The following ANKS1B variants were observed in gnomAD, a reference collection of about 807,000 sequenced individuals.
ANKS1B encodes ankyrin repeat and sterile alpha motif domain-containing protein 1B.
In ANKS1B, 36 loss-of-function variants were observed where a neutral mutation model predicts 148.3. The ratio of observed to expected loss-of-function variants is 0.24; its 90% confidence interval spans 0.19 to 0.32. ANKS1B has a LOEUF of 0.32. ANKS1B is among the 10% of genes least tolerant of loss of function. The pLI, the probability that ANKS1B is intolerant of heterozygous loss-of-function variation, is 1.00. For synonymous variants in ANKS1B, 542 were observed against 560.8 expected, an observed-to-expected ratio of 0.97 and a Z score of 0.47; for missense variants, 1,157 against 1,542.6, an observed-to-expected ratio of 0.75 and a Z score of 4.19.
chr12:98,747,611 T>A (rs1431693738), intron 26 of ANKS1B, among the ~76,000 whole-genome samples: 1 of 152,162 alleles, frequency 6.6e-6, no homozygotes, highest in African/African-American at 2.4e-5. Flanking sequence ...TGCGTATATA[T>A]ACAAAAGAAA....
chr12:99,091,525 A>G (rs958738552), intron 15 of ANKS1B, among the ~76,000 whole-genome samples: 1 of 152,202 alleles, frequency 6.6e-6, no homozygotes, highest in African/African-American at 2.4e-5. Flanking sequence ...TAGCTATGAG[A>G]GAAGGAGCCT....
chr12:99,191,066 G>T lies in ANKS1B; in HGVS notation c.2420-36671C>A, dbSNP rs1355231247. Reference sequence around the variant, plus strand: ...TATGAACAGACACTTCCCTAAATAAGACATGTATGCAGCCAACAAACATGA... The same window carrying T: ...TATGAACAGACACTTCCCTAAATAATACATGTATGCAGCCAACAAACATGA... On this transcript the variant is annotated intron_variant, in intron 14 of 26. Coordinates refer to ENST00000683438, the MANE Select transcript of ANKS1B (RefSeq NM_001352186.2). Among the ~76,000 whole-genome samples, 3 of 151,046 alleles carry T rather than the reference G, an allele frequency of 2.0e-5. No homozygotes were observed. The East Asian group carries it at 5.8e-4, about 29-fold the overall frequency.
At position 99,372,522 on chromosome 12, in the gene ANKS1B, T is replaced by A. The variant is rs1379355015; in HGVS notation, c.1756+27109A>T. On this transcript the variant is annotated intron_variant, in intron 12 of 26. Coordinates refer to ENST00000683438, the MANE Select transcript of ANKS1B (RefSeq NM_001352186.2). Reference sequence around the variant, plus strand: ...AAAATGTTCCATTATCTCTGCTTTTTAAAATTCCTTTCTTTGTAAATGATA... The same window carrying A: ...AAAATGTTCCATTATCTCTGCTTTTAAAAATTCCTTTCTTTGTAAATGATA... 1.3e-5 allele frequency among the ~76,000 whole-genome samples: 2 copies of A among 152,156 alleles called. 1 individual carries two copies. The highest frequency in any genetic ancestry group is 4.8e-5 in the African/African-American group (2 of 41,456).
intron 17 of ANKS1B, among the ~76,000 whole-genome samples, chr12:98,970,180 T>G (rs1167495059): frequency 1.3e-5 from 2 of 152,262 alleles, no homozygotes; most frequent in Non-Finnish European, 2.9e-5. Flanking sequence ...CTTATACAAG[T>G]TCCATCATTT....
intron 15 of ANKS1B, among the ~76,000 whole-genome samples, chr12:99,103,557 T>C (rs984882708): frequency 2.0e-5 from 3 of 152,252 alleles, no homozygotes; most frequent in Non-Finnish European, 4.4e-5. Flanking sequence ...TTTTATGTTA[T>C]CTTATAAGCT....
At chr12:98,864,258 A>C (rs1231474796) in intron 17 of ANKS1B, among the ~76,000 whole-genome samples, 1 of 152,044 alleles carries the variant, frequency 6.6e-6, no homozygotes, top group Non-Finnish European at 1.5e-5. Context: ...AATATCCATC[A>C]CCTCAAACAT....
intron 12 of ANKS1B, among the ~76,000 whole-genome samples, chr12:99,347,763 T>A (rs2090913284): frequency 6.6e-6 from 1 of 151,788 alleles, no homozygotes; most frequent in South Asian, 2.1e-4. Context: ...TACTATAATA[T>A]TTAAAATGCT....
At chr12:99,066,256 G>A (rs2044282908) in intron 16 of ANKS1B, among the ~76,000 whole-genome samples, 1 of 152,164 alleles carries the variant, frequency 6.6e-6, no homozygotes, top group South Asian at 2.1e-4. Context: ...AGGAGGCAGA[G>A]GATGCAGTGT....
At chr12:99,369,749 G>GATAA in intron 12 of ANKS1B, among the ~76,000 whole-genome samples, 1 of 118,506 alleles carries the variant, frequency 8.4e-6, no homozygotes, top group East Asian at 3.0e-4. Context: ...TGGATAGAAA[G>GATAA]ATAGATAGAT....
intron 19 of ANKS1B, among the ~76,000 whole-genome samples, chr12:98,823,261 A>C (rs1055713135): frequency 1.3e-5 from 2 of 152,030 alleles, no homozygotes; most frequent in Non-Finnish European, 2.9e-5. Context: ...TATTGAGTGC[A>C]CTCTTGACCT....
chr12:98,945,306 G>A (rs1051843003), intron 17 of ANKS1B, among the ~76,000 whole-genome samples: 8 of 151,800 alleles, frequency 5.3e-5, no homozygotes, highest in Admixed American at 2.6e-4. Flanking sequence ...GACCAGCCTC[G>A]GCAACATGGT....
At chr12:99,856,906 TACAA>T (rs1309602790) in intron 1 of ANKS1B, among the ~76,000 whole-genome samples, 1 of 152,122 alleles carries the variant, frequency 6.6e-6, no homozygotes, top group African/African-American at 2.4e-5. Context: ...AGCCATCTAT[TACAA>T]ACCCACAGCC....
Position 99,246,519 on chromosome 12 carries a change from T to C in ANKS1B, c.2102A>G (p.Gln701Arg), listed in dbSNP as rs750291571. The C allele has an allele frequency of 1.4e-5, 22 of 1,613,710 alleles. No homozygotes were observed. The highest frequency in any genetic ancestry group is 1.9e-5 in the Non-Finnish European group (22 of 1,179,868). Residue 701 changes from glutamine to arginine, a missense_variant, in exon 13 of 27, where the codon CAG becomes CGG. Transcript: ENST00000683438. Reference sequence around the variant, plus strand: ...AAATCCCCCTGCGTTCATAACCCACTGGTCCCCATTCCGAGATCCACTCCT... The same window carrying C: ...AAATCCCCCTGCGTTCATAACCCACCGGTCCCCATTCCGAGATCCACTCCT... Reference protein sequence around the residue: ...STRSGSRNGDQWVMNAGGFVE... With the variant: ...STRSGSRNGDRWVMNAGGFVE...
chr12:98,784,792 C>A (rs1409055458), intron 22 of ANKS1B, among the ~76,000 whole-genome samples: 2 of 152,194 alleles, frequency 1.3e-5, no homozygotes, highest in African/African-American at 4.8e-5. Flanking sequence ...GAAGGATAGT[C>A]ATTTCTTTTT....
intron 11 of ANKS1B, among the ~76,000 whole-genome samples, chr12:99,419,069 G>A (rs147711729): frequency 6.6e-6 from 1 of 152,140 alleles, no homozygotes; most frequent in Non-Finnish European, 1.5e-5. Context: ...ATATTCATGA[G>A]GAATATTGCT....
intron 1 of ANKS1B, among the ~76,000 whole-genome samples, chr12:99,873,255 G>A (rs2091725154): frequency 6.6e-6 from 1 of 152,108 alleles, no homozygotes; most frequent in South Asian, 2.1e-4. Flanking sequence ...GAAGACTGTT[G>A]ACATAAGGGC....
At chr12:99,067,533 C>A (rs777680452) in intron 16 of ANKS1B, among the ~76,000 whole-genome samples, 2 of 152,112 alleles carry the variant, frequency 1.3e-5, no homozygotes, top group African/African-American at 4.8e-5. Context: ...GACATCACCA[C>A]AATAGGCTAG....
intron 17 of ANKS1B, among the ~76,000 whole-genome samples, chr12:98,923,717 TCTC>T (rs1056072334): frequency 8.5e-5 from 13 of 152,110 alleles, no homozygotes; most frequent in Non-Finnish European, 1.5e-4. Flanking sequence ...AATAAAGAAT[TCTC>T]CACCTAACTT....
intron 9 of ANKS1B, among the ~76,000 whole-genome samples, chr12:99,626,819 C>T (rs1346862605): frequency 6.6e-6 from 1 of 152,132 alleles, no homozygotes; most frequent in African/African-American, 2.4e-5. Context: ...CAGCACTAGA[C>T]CGCAGGGTCA....
Sources: gnomAD v4.1 joint callset for allele counts (sites outside exome capture counted in the v4.1 genomes callset) on GRCh38, gnomAD v4.1.1 for gene constraint, MANE v1.5 for transcripts, NCBI Gene and HGNC (gene_info 2026-07-23, HGNC 2026-07-21) for gene names.